The following SCTR variants were observed in gnomAD, a reference collection of about 807,000 sequenced individuals.
The protein encoded by SCTR is pancreatic secretin receptor.
SCTR carries 56 observed loss-of-function variants against 60.8 expected under a neutral mutation model. The observed-to-expected ratio is 0.92, with a 90% CI of 0.74 to 1.15. The LOEUF (loss-of-function observed/expected upper bound fraction) is 1.15, where lower values mean the gene tolerates loss of function less well. Ranked by LOEUF, SCTR falls within the 50% of genes most tolerant of loss-of-function variation. The pLI, the probability that SCTR is intolerant of heterozygous loss-of-function variation, is 0.00. For synonymous variants in SCTR, 202 were observed against 217.0 expected (o/e 0.93, Z 0.61); for missense variants, 562 against 550.4 (o/e 1.02, Z -0.21).
chr2:119,508,383 C>CTTTTTTTTTTTTTTTTT (rs34070844), intron 1 of SCTR, among the ~76,000 whole-genome samples: 3 of 77,376 alleles, frequency 3.9e-5, no homozygotes, highest in Non-Finnish European at 6.8e-5. Context: ...TCTTCTTCTT[C>CTTTTTTTTTTTTTTTTT]TTTTTTTTTT....
chr2:119,458,989 C>T (rs1683493595), intron 7 of SCTR, among the ~76,000 whole-genome samples: 1 of 152,204 alleles, frequency 6.6e-6, no homozygotes, highest in Non-Finnish European at 1.5e-5. Flanking sequence ...GATACAGACT[C>T]ACACCTCAGC....
chr2:119,475,553 C>G (rs951416719), intron 3 of SCTR, among the ~76,000 whole-genome samples: 1 of 151,002 alleles, frequency 6.6e-6, no homozygotes, highest in African/African-American at 2.4e-5. Context: ...GAAACTTAAC[C>G]AGGCACAGGC....
chr2:119,524,112 C>T (rs1679375366), intron 1 of SCTR, 43 bp downstream of exon 1: 3 of 1,491,338 alleles, frequency 2.0e-6, no homozygotes, highest in South Asian at 2.4e-5. Context: ...GCGAGACTGT[C>T]GCTCCCTCGG....
At chr2:119,523,419 TTATTA>T (rs1679350562) in intron 1 of SCTR, among the ~76,000 whole-genome samples, 1 of 147,060 alleles carries the variant, frequency 6.8e-6, no homozygotes, top group African/African-American at 2.5e-5. Context: ...ATTATTATTA[TTATTA>T]TTATTATTAT....
intron 1 of SCTR, among the ~76,000 whole-genome samples, chr2:119,496,692 T>C (rs1558873800): frequency 6.6e-6 from 1 of 152,100 alleles, no homozygotes; most frequent in Non-Finnish European, 1.5e-5. Flanking sequence ...CACTGCCAGA[T>C]AGTGACAAAA....
intron 12 of SCTR, 49 bp downstream of exon 12, chr2:119,441,509 C>A (rs1682652939): frequency 1.3e-6 from 2 of 1,513,394 alleles, no homozygotes; most frequent in African/African-American, 1.4e-5. Flanking sequence ...ACCCGGAAAC[C>A]AATGGCTAGG....
chr2:119,482,939 T>C (rs1272691834), intron 2 of SCTR, among the ~76,000 whole-genome samples: 1 of 152,238 alleles, frequency 6.6e-6, no homozygotes, highest in Non-Finnish European at 1.5e-5. Context: ...CCCTGCCAGC[T>C]CGGGTCAGCC....
intron 1 of SCTR, among the ~76,000 whole-genome samples, chr2:119,503,274 A>G (rs971671335): frequency 6.6e-6 from 1 of 152,188 alleles, no homozygotes. Context: ...AGTCAATCTA[A>G]AAAGGTTACC....
chr2:119,469,217 C>T (rs1470024154), intron 4 of SCTR, among the ~76,000 whole-genome samples: 2 of 152,100 alleles, frequency 1.3e-5, no homozygotes, highest in Non-Finnish European at 2.9e-5. Flanking sequence ...ATAATCTCGC[C>T]ATGTACAGAT....
At chr2:119,472,468 T>C (rs1677065375) in intron 4 of SCTR, among the ~76,000 whole-genome samples, 2 of 151,984 alleles carry the variant, frequency 1.3e-5, no homozygotes, top group Admixed American at 1.3e-4. Context: ...TGATGCAGAG[T>C]GAGCTGAGCC....
At chr2:119,468,855 G>A (rs1282885255) in intron 4 of SCTR, among the ~76,000 whole-genome samples, 1 of 152,074 alleles carries the variant, frequency 6.6e-6, no homozygotes, top group African/African-American at 2.4e-5. Context: ...CACCTGGAGG[G>A]GAAAAACACA....
intron 1 of SCTR, among the ~76,000 whole-genome samples, chr2:119,515,202 A>G (rs1475150590): frequency 4.6e-5 from 7 of 152,196 alleles, no homozygotes; most frequent in South Asian, 2.1e-4. Flanking sequence ...AGAGAAGTCA[A>G]TGGCCAGAGG....
intron 7 of SCTR, among the ~76,000 whole-genome samples, chr2:119,456,821 G>A (rs947298096): frequency 1.1e-4 from 16 of 152,120 alleles, no homozygotes; most frequent in Non-Finnish European, 1.0e-4. Flanking sequence ...AAGGCCATGA[G>A]AGACACACAG....
chr2:119,462,682 C>T (rs1376535963), intron 6 of SCTR, among the ~76,000 whole-genome samples: 1 of 152,210 alleles, frequency 6.6e-6, no homozygotes, highest in African/African-American at 2.4e-5. Context: ...CATGGTAGGG[C>T]CTTTGTCCTT....
intron 1 of SCTR, among the ~76,000 whole-genome samples, chr2:119,498,463 C>A (rs548594163): frequency 6.6e-6 from 1 of 152,028 alleles, no homozygotes; most frequent in Non-Finnish European, 1.5e-5. Context: ...TGGGTAAATG[C>A]GATAGGTTTT....
intron 4 of SCTR, among the ~76,000 whole-genome samples, chr2:119,466,370 G>T (rs1006739462): frequency 1.6e-4 from 25 of 152,120 alleles, no homozygotes; most frequent in African/African-American, 5.8e-4. Context: ...ATATAGAAAA[G>T]TTACAAAGGT....
chr2:119,464,851 A>AGG (rs1182716671), intron 5 of SCTR, among the ~76,000 whole-genome samples: 1 of 152,096 alleles, frequency 6.6e-6, no homozygotes, highest in African/African-American at 2.4e-5. Flanking sequence ...AGAACGGGAG[A>AGG]GGGCTAGGGG....
At chr2:119,462,615 G>A (rs1683659533) in intron 6 of SCTR, among the ~76,000 whole-genome samples, 1 of 152,178 alleles carries the variant, frequency 6.6e-6, no homozygotes, top group African/African-American at 2.4e-5. Flanking sequence ...CGGAAGTTAT[G>A]CCTGTAGAAT....
chr2:119,507,011 T>C (rs1029398926), intron 1 of SCTR, among the ~76,000 whole-genome samples: 2 of 152,220 alleles, frequency 1.3e-5, no homozygotes, highest in Non-Finnish European at 2.9e-5. Flanking sequence ...TGGGAGAAAC[T>C]GGGCAAAAGT....
Sources: allele counts gnomAD v4.1 joint callset (sites outside exome capture counted in the v4.1 genomes callset), GRCh38; gene constraint gnomAD v4.1.1; transcripts MANE v1.5; gene names NCBI Gene and HGNC (gene_info 2026-07-23, HGNC 2026-07-21).